The following NDUFAF6 variants were observed in gnomAD, a reference collection of about 807,000 sequenced individuals.
The protein encoded by NDUFAF6 is NADH:ubiquinone oxidoreductase complex assembly factor 6.
A neutral mutation model predicts 40.8 loss-of-function variants in NDUFAF6; 45 were observed. The observed-to-expected ratio is 1.10, with a 90% CI of 0.87 to 1.42. The LOEUF (loss-of-function observed/expected upper bound fraction) is 1.42, where lower values mean the gene tolerates loss of function less well. Ranked by LOEUF, NDUFAF6 falls within the 40% of genes most tolerant of loss-of-function variation. The pLI, the probability that NDUFAF6 is intolerant of heterozygous loss-of-function variation, is 0.00. For missense variants in NDUFAF6, 435 were observed against 418.5 expected, an observed-to-expected ratio of 1.04 and a Z score of -0.34; for synonymous variants, 185 against 155.9, an observed-to-expected ratio of 1.19 and a Z score of -1.39.
intron 1 of NDUFAF6, among the ~76,000 whole-genome samples, chr8:95,025,858 C>T (rs1828051669): frequency 6.6e-6 from 1 of 152,184 alleles, no homozygotes; most frequent in African/African-American, 2.4e-5. Flanking sequence ...TTGGGTGTCG[C>T]TCCTTAATCA....
At chr8:95,035,682 A>G in intron 3 of NDUFAF6, 106 bp downstream of exon 3, 1 of 1,133,566 alleles carries the variant, frequency 8.8e-7, no homozygotes, top group Non-Finnish European at 1.3e-6. Context: ...TCTATTCTGA[A>G]AATATTCTTA....
intron 1 of NDUFAF6, among the ~76,000 whole-genome samples, chr8:94,974,170 A>G (rs2131547047): frequency 6.6e-6 from 1 of 151,866 alleles, no homozygotes; most frequent in South Asian, 2.1e-4. Flanking sequence ...TCTTGTGGCC[A>G]TACCATCTCC....
intron 1 of NDUFAF6, among the ~76,000 whole-genome samples, chr8:94,962,616 GTT>G (rs1289805308): frequency 1.0e-5 from 1 of 97,638 alleles, no homozygotes; most frequent in African/African-American, 3.4e-5. Context: ...TTTGTTTTTT[GTT>G]TTTTTTTTTT....
chr8:95,007,139 C>G (rs1005822320), intron 2 of NDUFAF6, among the ~76,000 whole-genome samples: 1 of 152,154 alleles, frequency 6.6e-6, no homozygotes, highest in African/African-American at 2.4e-5. Context: ...AGTATTTGCA[C>G]TCTAACCAAT....
chr8:94,940,097 G>GT, intron 1 of NDUFAF6: 1 of 1,614,194 alleles, frequency 6.2e-7, no homozygotes, highest in Non-Finnish European at 8.5e-7. Context: ...GGAATCACTT[G>GT]TATCAGCCAA....
At chr8:95,091,729 T>G (rs1809257961) in intron 2 of NDUFAF6, among the ~76,000 whole-genome samples, 1 of 151,076 alleles carries the variant, frequency 6.6e-6, no homozygotes. Flanking sequence ...AGCCTTGACC[T>G]CTTGGGTTCA....
intron 1 of NDUFAF6, among the ~76,000 whole-genome samples, chr8:94,935,720 A>G (rs904599707): frequency 1.3e-5 from 2 of 152,216 alleles, no homozygotes; most frequent in Non-Finnish European, 2.9e-5. Flanking sequence ...TAAAGCCCTG[A>G]TTCAGGCTAC....
chr8:95,076,873 C>CAAAAAA (rs35168202), downstream of NDUFAF6, among the ~76,000 whole-genome samples: 9 of 128,996 alleles, frequency 7.0e-5, no homozygotes, highest in Admixed American at 6.4e-4. Flanking sequence ...AACTCCGTCT[C>CAAAAAA]AAAAAAAAAA....
At chr8:95,039,464 G>C (rs958762742) in intron 3 of NDUFAF6, among the ~76,000 whole-genome samples, 9 of 136,934 alleles carry the variant, frequency 6.6e-5, no homozygotes, top group Non-Finnish European at 1.2e-4. Context: ...AAAAAAAAAA[G>C]GGGGGGTTTC....
intron 2 of NDUFAF6, among the ~76,000 whole-genome samples, chr8:95,083,426 T>C (rs1808941372): frequency 6.6e-6 from 1 of 152,244 alleles, no homozygotes; most frequent in Admixed American, 6.5e-5. Context: ...ATGTGTTTAA[T>C]ACTTCCTAAG....
At chr8:95,053,216 T>A (rs1284016363) in intron 8 of NDUFAF6, among the ~76,000 whole-genome samples, 1 of 152,224 alleles carries the variant, frequency 6.6e-6, no homozygotes, top group Non-Finnish European at 1.5e-5. Flanking sequence ...ATTAATATTT[T>A]AAATTTTCGT....
chr8:95,110,810 G>A (rs1225426894), intron 4 of NDUFAF6, among the ~76,000 whole-genome samples: 1 of 152,188 alleles, frequency 6.6e-6, no homozygotes, highest in Non-Finnish European at 1.5e-5. Flanking sequence ...CTCCATCAAG[G>A]TGTTATTGGA....
chr8:95,014,976 C>T (rs893756067), intron 2 of NDUFAF6, among the ~76,000 whole-genome samples: 2 of 152,224 alleles, frequency 1.3e-5, no homozygotes, highest in Non-Finnish European at 1.5e-5. Flanking sequence ...TGTTTGGCTT[C>T]CTCAGGTCAT....
At chr8:95,075,816 C>G in exon 10 of NDUFAF6, 1 of 624,720 alleles carries the variant, frequency 1.6e-6, no homozygotes, top group South Asian at 1.5e-5. Context: ...CACTCGAACA[C>G]GCACACACTT....
intron 1 of NDUFAF6, among the ~76,000 whole-genome samples, chr8:94,919,678 A>AC (rs1052866677): frequency 2.0e-5 from 3 of 152,070 alleles, no homozygotes; most frequent in African/African-American, 7.2e-5. Flanking sequence ...CCACACTGGA[A>AC]CCCCCTGGTG....
intron 2 of NDUFAF6, among the ~76,000 whole-genome samples, chr8:94,986,109 G>C (rs769147389): frequency 6.6e-6 from 1 of 151,978 alleles, no homozygotes; most frequent in Non-Finnish European, 1.5e-5. Flanking sequence ...TCCTGACCTC[G>C]TGATCTGCCT....
chr8:95,018,653 A>C (rs1194178179), intron 2 of NDUFAF6, among the ~76,000 whole-genome samples: 1 of 152,226 alleles, frequency 6.6e-6, no homozygotes, highest in Non-Finnish European at 1.5e-5. Flanking sequence ...AGGCATAAAG[A>C]TGCCCATTAA....
intron 2 of NDUFAF6, among the ~76,000 whole-genome samples, chr8:94,985,463 A>G (rs2131595004): frequency 1.3e-5 from 1 of 75,478 alleles, no homozygotes; most frequent in Admixed American, 1.7e-4. Context: ...AAGAAAAACA[A>G]TAATTATATA....
At chr8:95,105,352 G>A (rs1809806882), downstream of NDUFAF6, among the ~76,000 whole-genome samples, 2 of 117,254 alleles carry the variant, frequency 1.7e-5, no homozygotes, top group Admixed American at 9.7e-5. Context: ...AAGTGACCCT[G>A]AATTTAGGCG....
Sources: gnomAD v4.1 joint callset for allele counts (sites outside exome capture counted in the v4.1 genomes callset) on GRCh38, gnomAD v4.1.1 for gene constraint, MANE v1.5 for transcripts, NCBI Gene and HGNC (gene_info 2026-07-23, HGNC 2026-07-21) for gene names.